The following MRTFA variants were observed in gnomAD, a reference collection of about 807,000 sequenced individuals.
The protein encoded by MRTFA is myocardin-related transcription factor A.
In MRTFA, 20 loss-of-function variants were observed where a neutral mutation model predicts 83.5. The ratio of observed to expected loss-of-function variants is 0.24; its 90% confidence interval spans 0.17 to 0.35. The LOEUF (loss-of-function observed/expected upper bound fraction) is 0.35. MRTFA is among the 10% of genes least tolerant of loss of function. The pLI, the probability that MRTFA is intolerant of heterozygous loss-of-function variation, is 1.00. For missense variants in MRTFA, 1,200 were observed against 1,224.7 expected, an observed-to-expected ratio of 0.98 and a Z score of 0.30; for synonymous variants, 659 against 541.2, an observed-to-expected ratio of 1.22 and a Z score of -3.02.
At chr22:40,457,442 GAA>G (rs1371029995) in intron 4 of MRTFA, among the ~76,000 whole-genome samples, 1 of 115,564 alleles carries the variant, frequency 8.7e-6, no homozygotes, top group Non-Finnish European at 1.8e-5. Flanking sequence ...GAAAGAGAAA[GAA>G]AGAAAGAAAG....
intron 1 of MRTFA, among the ~76,000 whole-genome samples, chr22:40,617,543 G>A (rs1047411811): frequency 4.0e-5 from 6 of 151,786 alleles, no homozygotes; most frequent in Admixed American, 2.0e-4. Flanking sequence ...TGGCTAACAC[G>A]GTGAAACCCC....
chr22:40,429,909 G>C, intron 6 of MRTFA, 142 bp from the exon 7 acceptor site: 1 of 867,248 alleles, frequency 1.2e-6, no homozygotes, highest in Non-Finnish European at 1.7e-6. Context: ...AGAGAAGAGT[G>C]GCCTGTCTTG....
At chr22:40,592,025 C>G (rs896980678) in intron 2 of MRTFA, among the ~76,000 whole-genome samples, 1 of 152,146 alleles carries the variant, frequency 6.6e-6, no homozygotes, top group Non-Finnish European at 1.5e-5. Flanking sequence ...ACAATTTATT[C>G]TGACCCCCAA....
chr22:40,421,864 A>C (rs1411818149), intron 9 of MRTFA, among the ~76,000 whole-genome samples: 1 of 152,222 alleles, frequency 6.6e-6, no homozygotes, highest in Non-Finnish European at 1.5e-5. Flanking sequence ...ACAAGGCTGG[A>C]TGTAGGAACA....
At chr22:40,463,341 C>G in intron 3 of MRTFA, 55 bp from the exon 4 acceptor site, 1 of 1,451,102 alleles carries the variant, frequency 6.9e-7, no homozygotes, top group Non-Finnish European at 9.6e-7. Context: ...TATTCCACCT[C>G]AAAAAACACA....
chr22:40,436,987 C>T (rs980161066), intron 4 of MRTFA, among the ~76,000 whole-genome samples: 2 of 152,142 alleles, frequency 1.3e-5, no homozygotes, highest in African/African-American at 4.8e-5. Flanking sequence ...CAGAAGAAAG[C>T]TTCAATTGTC....
At chr22:40,469,582 C>T (rs2053865699) in intron 3 of MRTFA, among the ~76,000 whole-genome samples, 1 of 152,156 alleles carries the variant, frequency 6.6e-6, no homozygotes, top group Non-Finnish European at 1.5e-5. Context: ...CTAATGCAGA[C>T]ATATAGGATT....
chr22:40,551,505 C>G (rs2055444023), intron 3 of MRTFA, among the ~76,000 whole-genome samples: 1 of 152,100 alleles, frequency 6.6e-6, no homozygotes, highest in South Asian at 2.1e-4. Flanking sequence ...GTAGCTGGGT[C>G]TACAAGTGTG....
At chr22:40,607,647 C>G (rs1477203365) in intron 1 of MRTFA, among the ~76,000 whole-genome samples, 4 of 152,234 alleles carry the variant, frequency 2.6e-5, no homozygotes, top group African/African-American at 4.8e-5. Flanking sequence ...GCCTTCCCAA[C>G]AGCTGAGCAC....
intron 5 of MRTFA, chr22:40,433,557 G>T: frequency 6.3e-6 from 1 of 159,188 alleles, no homozygotes. Flanking sequence ...TGACATAGCT[G>T]AAGCCATTGT....
At chr22:40,473,121 T>G (rs1197945391) in intron 3 of MRTFA, among the ~76,000 whole-genome samples, 1 of 152,156 alleles carries the variant, frequency 6.6e-6, no homozygotes, top group Non-Finnish European at 1.5e-5. Context: ...CTAAGTTCTC[T>G]TTTATATACA....
intron 3 of MRTFA, among the ~76,000 whole-genome samples, chr22:40,470,866 T>C (rs997483299): frequency 6.6e-6 from 1 of 151,810 alleles, no homozygotes; most frequent in Non-Finnish European, 1.5e-5. Flanking sequence ...GGAGAATCAC[T>C]TGAACCCGGG....
intron 5 of MRTFA, chr22:40,433,711 T>C (rs574177507): frequency 6.6e-6 from 1 of 152,384 alleles, no homozygotes; most frequent in African/African-American, 2.4e-5. Flanking sequence ...AAGTATGAGA[T>C]GCAAAAGTAG....
At chr22:40,550,048 CAAAAAAA>C (rs3044559) in intron 3 of MRTFA, among the ~76,000 whole-genome samples, 89,705 of 130,652 alleles carry the variant, frequency 0.69, 28,808 homozygotes, top group African/African-American at 0.75. Flanking sequence ...GACTCTGTTG[CAAAAAAA>C]AAAAAAAAAA....
At chr22:40,600,332 TC>T (rs1351802276) in intron 1 of MRTFA, among the ~76,000 whole-genome samples, 1 of 152,176 alleles carries the variant, frequency 6.6e-6, no homozygotes, top group Non-Finnish European at 1.5e-5. Context: ...ACCACTGTGC[TC>T]CTAGGCATAT....
At chr22:40,545,154 C>T (rs759867355) in intron 3 of MRTFA, among the ~76,000 whole-genome samples, 5 of 152,084 alleles carry the variant, frequency 3.3e-5, no homozygotes, top group African/African-American at 4.8e-5. Flanking sequence ...GTTCATTAGA[C>T]AGATGTTTCC....
intron 7 of MRTFA, 169 bp downstream of exon 7, chr22:40,429,436 AC>A (rs752953754): frequency 1.3e-6 from 1 of 769,226 alleles, no homozygotes; most frequent in African/African-American, 1.7e-5. Context: ...CCAAGTTCAT[AC>A]AACCTGTGCA....
intron 12 of MRTFA, among the ~76,000 whole-genome samples, chr22:40,418,064 C>T (rs1027250011): frequency 2.0e-4 from 30 of 152,280 alleles, no homozygotes; most frequent in African/African-American, 7.2e-4. Context: ...CCACTCCCCA[C>T]AGAGCAGCAC....
At chr22:40,420,358 G>C (rs1355402707) in intron 11 of MRTFA, 47 bp downstream of exon 11, 1 of 1,587,258 alleles carries the variant, frequency 6.3e-7, no homozygotes, top group Admixed American at 1.7e-5. Flanking sequence ...AGCCCCTGTG[G>C]GAAGGGCCAG....
Sources: gnomAD v4.1 joint callset for allele counts (sites outside exome capture counted in the v4.1 genomes callset) on GRCh38, gnomAD v4.1.1 for gene constraint, MANE v1.5 for transcripts, NCBI Gene and HGNC (gene_info 2026-07-23, HGNC 2026-07-21) for gene names.